FER: variants seen among roughly 807,000 people sequenced by gnomAD.
FER encodes the protein FER tyrosine kinase.
In FER, 63 loss-of-function variants were observed where a neutral mutation model predicts 111.0. That is an observed-to-expected ratio of 0.57 (90% confidence interval 0.46 to 0.70). FER has a LOEUF of 0.70. Among genes scored for constraint, FER ranks in the 30% least tolerant of loss-of-function variants. FER has a pLI of 0.00. For missense variants in FER, 914 were observed against 954.0 expected (o/e 0.96, Z 0.55); for synonymous variants, 327 against 313.9 (o/e 1.04, Z -0.44).
At chr5:108,993,575 G>T (rs1443044128) in intron 13 of FER, among the ~76,000 whole-genome samples, 1 of 139,264 alleles carries the variant, frequency 7.2e-6, no homozygotes, top group Admixed American at 7.1e-5. Context: ...ACCGTGGGGA[G>T]AGGGAGAGGG....
intron 5 of FER, among the ~76,000 whole-genome samples, chr5:108,841,390 C>T (rs1018787871): frequency 6.6e-6 from 1 of 152,094 alleles, no homozygotes; most frequent in African/African-American, 2.4e-5. Context: ...TTTGTGAATC[C>T]ATAAAGCTTG....
chr5:108,914,566 C>T (rs1352421411), intron 10 of FER, among the ~76,000 whole-genome samples: 5 of 152,092 alleles, frequency 3.3e-5, no homozygotes, highest in Admixed American at 1.3e-4. Flanking sequence ...TTCTGAATGC[C>T]TCTTGGAGAA....
chr5:108,912,386 A>G (rs1238442910), intron 10 of FER, among the ~76,000 whole-genome samples: 1 of 152,050 alleles, frequency 6.6e-6, no homozygotes, highest in Non-Finnish European at 1.5e-5. Flanking sequence ...CTTGAGACAG[A>G]GTCTCGCTCT....
intron 14 of FER, among the ~76,000 whole-genome samples, chr5:109,040,750 A>G (rs559103609): frequency 2.2e-4 from 33 of 152,274 alleles, no homozygotes; most frequent in African/African-American, 7.7e-4. Flanking sequence ...AAATAATAGC[A>G]TACTAGTTTG....
At chr5:108,977,966 C>G (rs1405213108) in intron 13 of FER, among the ~76,000 whole-genome samples, 17 of 152,172 alleles carry the variant, frequency 1.1e-4, no homozygotes, top group African/African-American at 3.1e-4. Context: ...CTGCCTCAGC[C>G]TCCCGAGGTA....
chr5:109,012,404 A>G (rs10515398), intron 13 of FER, among the ~76,000 whole-genome samples: 25,603 of 152,220 alleles, frequency 0.17, 2,767 homozygotes, highest in Middle Eastern at 0.31. Flanking sequence ...TTCACGTGTC[A>G]CAATTAAAGT....
chr5:109,104,332 G>A (rs558538980), intron 17 of FER, among the ~76,000 whole-genome samples: 39 of 152,316 alleles, frequency 2.6e-4, no homozygotes, highest in South Asian at 8.3e-4. Context: ...CCAAAATGAA[G>A]ATTATAGTCA....
intron 13 of FER, among the ~76,000 whole-genome samples, chr5:108,983,126 C>A (rs1236126936): frequency 1.3e-5 from 2 of 152,060 alleles, no homozygotes; most frequent in Admixed American, 6.6e-5. Context: ...TTGAATAATT[C>A]TAATCTTGAT....
intron 13 of FER, among the ~76,000 whole-genome samples, chr5:109,036,570 A>G (rs1416328849): frequency 6.6e-6 from 1 of 152,060 alleles, no homozygotes; most frequent in Non-Finnish European, 1.5e-5. Context: ...AACCTAACTC[A>G]TAAATAAAAT....
intron 2 of FER, among the ~76,000 whole-genome samples, chr5:108,776,426 T>G (rs1441209008): frequency 6.6e-6 from 1 of 152,140 alleles, no homozygotes; most frequent in Non-Finnish European, 1.5e-5. Flanking sequence ...TATTTAAAAC[T>G]AATTAAATTT....
intron 10 of FER, among the ~76,000 whole-genome samples, chr5:108,911,371 C>T (rs575186362): frequency 6.6e-6 from 1 of 151,690 alleles, no homozygotes; most frequent in African/African-American, 2.4e-5. Flanking sequence ...GATATTAGTA[C>T]TTTGTTAGAG....
chr5:108,974,479 G>A (rs1416989734), intron 13 of FER, among the ~76,000 whole-genome samples: 1 of 152,138 alleles, frequency 6.6e-6, no homozygotes, highest in Non-Finnish European at 1.5e-5. Flanking sequence ...CACCTGGAGT[G>A]GAGACTACAT....
At chr5:108,763,832 A>T (rs1752019233) in intron 1 of FER, among the ~76,000 whole-genome samples, 1 of 152,190 alleles carries the variant, frequency 6.6e-6, no homozygotes, top group African/African-American at 2.4e-5. Context: ...ACTCATATAT[A>T]GGGGCAAAAT....
chr5:109,059,675 G>C (rs1295304962), intron 16 of FER, among the ~76,000 whole-genome samples: 1 of 152,198 alleles, frequency 6.6e-6, no homozygotes. Flanking sequence ...GAAGAGTGGA[G>C]CTCTAATAAG....
At chr5:108,966,770 A>C (rs2149685742) in intron 13 of FER, among the ~76,000 whole-genome samples, 1 of 152,286 alleles carries the variant, frequency 6.6e-6, no homozygotes, top group East Asian at 1.9e-4. Flanking sequence ...AACAAAATGT[A>C]CAATATTTCT....
chr5:108,828,318 T>C (rs1300681442), intron 3 of FER, among the ~76,000 whole-genome samples: 1 of 152,210 alleles, frequency 6.6e-6, no homozygotes, highest in African/African-American at 2.4e-5. Flanking sequence ...TGGTTAACTT[T>C]AGAAACTCAA....
intron 1 of FER, among the ~76,000 whole-genome samples, chr5:108,751,772 G>A (rs1231712428): frequency 2.6e-5 from 4 of 152,112 alleles, no homozygotes; most frequent in Non-Finnish European, 5.9e-5. Context: ...GATCTTGGGT[G>A]TTGTCTCATG....
chr5:108,830,178 G>A (rs1435505586), intron 3 of FER, among the ~76,000 whole-genome samples: 1 of 152,216 alleles, frequency 6.6e-6, no homozygotes, highest in East Asian at 1.9e-4. Flanking sequence ...TTTGGGCTGG[G>A]TGTGGTGGCT....
chr5:108,875,829 A>G (rs1461188351), intron 8 of FER, among the ~76,000 whole-genome samples: 2 of 152,154 alleles, frequency 1.3e-5, no homozygotes, highest in African/African-American at 4.8e-5. Flanking sequence ...TTAAGGTCCT[A>G]TTTAGTTATT....
Sources: allele counts gnomAD v4.1 joint callset (sites outside exome capture counted in the v4.1 genomes callset), GRCh38; gene constraint gnomAD v4.1.1; transcripts MANE v1.5; gene names NCBI Gene and HGNC (gene_info 2026-07-23, HGNC 2026-07-21).